Variants in PLD5 observed in about 807,000 individuals in gnomAD.
PLD5 encodes the protein inactive phospholipase D5.
Under a neutral mutation model 61.1 loss-of-function variants are expected in PLD5, and 36 were observed. The observed-to-expected ratio is 0.59, with a 90% CI of 0.45 to 0.78. PLD5 has a LOEUF of 0.78. Ranked by LOEUF, PLD5 falls within the 30% of genes least tolerant of loss-of-function variation. The pLI, the probability that PLD5 is intolerant of heterozygous loss-of-function variation, is 0.00. For synonymous variants in PLD5, 243 were observed against 242.8 expected (o/e 1.00, Z -0.01); for missense variants, 515 against 644.4 (o/e 0.80, Z 2.17).
At chr1:242,243,085 T>C (rs1024942979) in intron 4 of PLD5, among the ~76,000 whole-genome samples, 2 of 152,016 alleles carry the variant, frequency 1.3e-5, no homozygotes, top group African/African-American at 4.8e-5. Flanking sequence ...ACAGTAAAAA[T>C]AAGGAAAGGA....
At chr1:242,360,451 T>G (rs530159244) in intron 1 of PLD5, among the ~76,000 whole-genome samples, 1 of 152,256 alleles carries the variant, frequency 6.6e-6, no homozygotes, top group East Asian at 1.9e-4. Flanking sequence ...TTAATGATAT[T>G]CATTGTTTCT....
At chr1:242,503,492 T>C (rs1488999531) in intron 1 of PLD5, among the ~76,000 whole-genome samples, 2 of 152,220 alleles carry the variant, frequency 1.3e-5, no homozygotes, top group East Asian at 3.8e-4. Context: ...TCTCATTTAT[T>C]TCTTTATAGC....
Position 242,089,879 on chromosome 1 carries a change from C to T in PLD5, c.1586G>A (p.Gly529Asp), listed in dbSNP as rs1201911980. 2.5e-6 allele frequency: 4 copies of T among 1,614,190 alleles called. No individual in the cohort carries two copies. Among genetic ancestry groups the T allele is most frequent in the Non-Finnish European group, 3.4e-6 (4 of 1,180,050 alleles). ...TTATACGTTCCGGGGATCCTTTCCGCCTGTGTCGTCTGTGGCAGTTTTGTT... is the reference window on the plus strand; with the variant it reads ...TTATACGTTCCGGGGATCCTTTCCGTCTGTGTCGTCTGTGGCAGTTTTGTT... ...LSNKTATDDT[G>D]GKDPRNV is the part of the protein sequence containing the mutation. Residue 529 changes from glycine to aspartate, a missense_variant, in exon 10 of 10, where the codon GGC (glycine) becomes GAC (aspartate). This residue lies in a region of PLD5 where 450 missense variants were observed against 598.1 expected (regional missense o/e 0.75). Coordinates refer to ENST00000536534, the MANE Select transcript of PLD5 (RefSeq NM_001372062.1).
intron 1 of PLD5, among the ~76,000 whole-genome samples, chr1:242,410,005 G>A (rs548176935): frequency 3.0e-4 from 46 of 152,266 alleles, no homozygotes; most frequent in Admixed American, 1.3e-3. Context: ...TAAAAGAAAC[G>A]AAAACTTCCC....
intron 5 of PLD5, among the ~76,000 whole-genome samples, chr1:242,151,816 C>A (rs1261673039): frequency 6.6e-6 from 1 of 151,910 alleles, no homozygotes; most frequent in Non-Finnish European, 1.5e-5. Context: ...GAATTCTGTT[C>A]TTGTATTTTT....
intron 1 of PLD5, among the ~76,000 whole-genome samples, chr1:242,455,700 A>C (rs527465971): frequency 6.6e-6 from 1 of 152,346 alleles, no homozygotes; most frequent in South Asian, 2.1e-4. Flanking sequence ...CCCAGAAGGG[A>C]GCTTCATGCC....
intron 6 of PLD5, among the ~76,000 whole-genome samples, chr1:242,115,299 C>T (rs367745920): frequency 6.6e-5 from 10 of 152,286 alleles, no homozygotes; most frequent in African/African-American, 1.4e-4. Context: ...GAAACCAGTC[C>T]ATGGTGCCAA....
intron 1 of PLD5, among the ~76,000 whole-genome samples, chr1:242,501,953 CAT>C (rs1202371251): frequency 6.6e-6 from 1 of 151,826 alleles, no homozygotes; most frequent in Non-Finnish European, 1.5e-5. Context: ...GACTTAATAA[CAT>C]ATATTGACTT....
At chr1:242,121,126 G>A (rs562392943) in intron 6 of PLD5, among the ~76,000 whole-genome samples, 177 of 152,088 alleles carry the variant, frequency 1.2e-3, no homozygotes, top group Non-Finnish European at 1.7e-3. Context: ...GCATTTGTCT[G>A]GCATATATTA....
chr1:242,285,054 C>T (rs540622069), intron 3 of PLD5, among the ~76,000 whole-genome samples: 15 of 152,296 alleles, frequency 9.8e-5, no homozygotes, highest in Admixed American at 6.5e-4. Context: ...AGACATTATT[C>T]TAAACTAGGT....
intron 4 of PLD5, among the ~76,000 whole-genome samples, chr1:242,261,788 T>A (rs1673387719): frequency 6.6e-6 from 1 of 152,214 alleles, no homozygotes; most frequent in Non-Finnish European, 1.5e-5. Flanking sequence ...TACAACATGA[T>A]ACGTATCCAC....
chr1:242,167,368 G>A (rs1666401044), intron 5 of PLD5, among the ~76,000 whole-genome samples: 1 of 152,180 alleles, frequency 6.6e-6, no homozygotes, highest in African/African-American at 2.4e-5. Flanking sequence ...ATCTTACATG[G>A]CAGCAGCCAA....
chr1:242,172,054 T>C (rs1666791380), intron 5 of PLD5, among the ~76,000 whole-genome samples: 1 of 152,218 alleles, frequency 6.6e-6, no homozygotes, highest in African/African-American at 2.4e-5. Flanking sequence ...TACAGAACTC[T>C]CCACCCCAAA....
At chr1:242,485,842 G>A (rs1012469975) in intron 1 of PLD5, among the ~76,000 whole-genome samples, 6 of 152,200 alleles carry the variant, frequency 3.9e-5, no homozygotes, top group South Asian at 2.1e-4. Context: ...AAGCAAAACA[G>A]CATGGTCCTG....
intron 2 of PLD5, among the ~76,000 whole-genome samples, chr1:242,326,649 C>T (rs1014370796): frequency 6.6e-6 from 1 of 151,994 alleles, no homozygotes; most frequent in African/African-American, 2.4e-5. Flanking sequence ...TGATATTTTC[C>T]TTATATTCTC....
chr1:242,372,440 T>G (rs1008731215), intron 1 of PLD5, among the ~76,000 whole-genome samples: 1 of 135,758 alleles, frequency 7.4e-6, no homozygotes, highest in African/African-American at 2.5e-5. Context: ...TGGAAAAAAT[T>G]ACTTTAAAGT....
At chr1:242,467,331 C>CAA (rs145329572) in intron 1 of PLD5, among the ~76,000 whole-genome samples, 2,054 of 152,000 alleles carry the variant, frequency 0.014, 61 homozygotes, top group African/African-American at 0.047. Context: ...TCAGTGTTAC[C>CAA]AAATGTTAAC....
intron 4 of PLD5, among the ~76,000 whole-genome samples, chr1:242,226,667 C>A (rs889935158): frequency 2.6e-5 from 4 of 152,168 alleles, no homozygotes; most frequent in Non-Finnish European, 2.9e-5. Context: ...ATGCGGCTAA[C>A]CTCCAGGTTT....
At chr1:242,276,432 A>ACC (rs1674415273) in intron 3 of PLD5, among the ~76,000 whole-genome samples, 1 of 20,704 alleles carries the variant, frequency 4.8e-5, no homozygotes, top group Admixed American at 7.2e-4. Flanking sequence ...ATATATACAC[A>ACC]AATTATATAT....
Sources: gnomAD v4.1 joint callset for allele counts (sites outside exome capture counted in the v4.1 genomes callset) on GRCh38, gnomAD v4.1.1 for gene constraint, gnomAD v4.1.1 regional missense constraint, MANE v1.5 for transcripts, NCBI Gene and HGNC (gene_info 2026-07-23, HGNC 2026-07-21) for gene names.